Variants in MTREX observed in about 807,000 individuals in gnomAD.
MTREX encodes Mtr4 exosome RNA helicase, also known as exosome RNA helicase MTR4.
A neutral mutation model predicts 135.4 loss-of-function variants in MTREX; 76 were observed. That is an observed-to-expected ratio of 0.56 (90% CI 0.47 to 0.68). MTREX has a LOEUF of 0.68. Ranked by LOEUF, MTREX falls within the 30% of genes least tolerant of loss-of-function variation. The pLI is 0.00. For synonymous variants in MTREX, 404 were observed against 401.6 expected (o/e 1.01, Z -0.07); for missense variants, 920 against 1,262.1 (o/e 0.73, Z 4.11).
At chr5:55,385,081 T>C (rs1219544671) in intron 18 of MTREX, among the ~76,000 whole-genome samples, 7 of 152,196 alleles carry the variant, frequency 4.6e-5, no homozygotes, top group Non-Finnish European at 1.0e-4. Flanking sequence ...TGGGAAGATA[T>C]TAAGAGTTGT....
chr5:55,317,481 C>T (rs529509553), intron 1 of MTREX, among the ~76,000 whole-genome samples: 38 of 152,254 alleles, frequency 2.5e-4, no homozygotes, highest in African/African-American at 9.1e-4. Flanking sequence ...GGCCGCACAT[C>T]TACAACCATC....
rs542870335 is a variant in MTREX, at chr5:55,416,936, C to T, written c.2971+804C>T. On this transcript the variant is annotated intron_variant, in intron 25 of 26. Transcript: ENST00000230640. ...AACATGCCAAATATTATAGGCCTTTCAACTGATATTATTAAAGAAGTAATA... is the reference window on the plus strand; with the variant it reads ...AACATGCCAAATATTATAGGCCTTTTAACTGATATTATTAAAGAAGTAATA... Among the ~76,000 whole-genome samples, 198 of 152,150 alleles carry T rather than the reference C, an allele frequency of 1.3e-3. 1 individual carries two copies. The highest frequency in any genetic ancestry group is 0.01 in the Middle Eastern group (3 of 294).
intron 14 of MTREX, chr5:55,356,971 A>G: frequency 6.3e-6 from 1 of 159,414 alleles, no homozygotes; most frequent in Non-Finnish European, 1.4e-5. Flanking sequence ...CACCATCTGC[A>G]GCATTCACAT....
intron 21 of MTREX, 40 bp from the exon 22 acceptor site, chr5:55,405,385 C>T: frequency 6.6e-7 from 1 of 1,509,804 alleles, no homozygotes; most frequent in Middle Eastern, 1.7e-4. Context: ...ACATTGTTCA[C>T]TTTATTATTG....
At chr5:55,393,864 A>G (rs1750606253) in intron 19 of MTREX, among the ~76,000 whole-genome samples, 3 of 152,220 alleles carry the variant, frequency 2.0e-5, no homozygotes, top group African/African-American at 7.2e-5. Flanking sequence ...TATTCATTCA[A>G]TTTTTAAACA....
At chr5:55,423,194 T>C (rs1751083005) in intron 26 of MTREX, 4 of 542,118 alleles carry the variant, frequency 7.4e-6, no homozygotes, top group Non-Finnish European at 1.3e-5. Context: ...AATTGTACGC[T>C]AACTACATGC....
At chr5:55,373,321 T>A (rs1750237783) in intron 16 of MTREX, among the ~76,000 whole-genome samples, 1 of 151,918 alleles carries the variant, frequency 6.6e-6, no homozygotes, top group African/African-American at 2.4e-5. Context: ...AGTATTAGAT[T>A]ATGTATTTTT....
intron 4 of MTREX, 107 bp downstream of exon 4, chr5:55,327,885 T>A: frequency 1.2e-6 from 1 of 822,432 alleles, no homozygotes; most frequent in South Asian, 1.7e-5. Context: ...TGTATATGTA[T>A]GTATCAAGAA....
intron 16 of MTREX, among the ~76,000 whole-genome samples, chr5:55,369,915 C>CTTTTTTT (rs60011222): frequency 4.9e-5 from 7 of 141,422 alleles, no homozygotes; most frequent in Non-Finnish European, 4.6e-5. Flanking sequence ...TTTCTTTTTT[C>CTTTTTTT]TTTTTTTTTT....
At chr5:55,354,472 C>G (rs1279197376) in intron 14 of MTREX, among the ~76,000 whole-genome samples, 1 of 152,196 alleles carries the variant, frequency 6.6e-6, no homozygotes, top group Non-Finnish European at 1.5e-5. Flanking sequence ...GTGATTCTCT[C>G]TGCTTGGAGA....
At chr5:55,383,203 T>C (rs1451622847) in intron 18 of MTREX, among the ~76,000 whole-genome samples, 1 of 152,192 alleles carries the variant, frequency 6.6e-6, no homozygotes, top group Non-Finnish European at 1.5e-5. Context: ...TTTTAAATCA[T>C]TGAAGAGAAA....
intron 19 of MTREX, among the ~76,000 whole-genome samples, chr5:55,389,481 A>G (rs1750529564): frequency 6.6e-6 from 1 of 152,164 alleles, no homozygotes; most frequent in Non-Finnish European, 1.5e-5. Flanking sequence ...TACGCTGCTA[A>G]GGAAATTGGC....
intron 25 of MTREX, among the ~76,000 whole-genome samples, 190 bp from the exon 26 acceptor site, chr5:55,422,688 A>ATT (rs1751073076): frequency 6.6e-6 from 1 of 152,236 alleles, no homozygotes; most frequent in Non-Finnish European, 1.5e-5. Context: ...TGTCTCTACC[A>ATT]TTAGTCAAAG....
rs956464141 is a variant in MTREX, at chr5:55,343,277, CAG to C, written c.782-51_782-50del. The C allele has an allele frequency of 1.8e-4, 258 of 1,457,184 alleles. 4 individuals are homozygous for C. In the South Asian group the frequency reaches 2.2e-3, roughly 12 times the overall value. 90.3% of individuals were successfully genotyped at this position (1,457,184 alleles called of 1,614,324 possible). A position where few individuals can be genotyped will look rare whatever the true frequency, so the allele number is the denominator to read the frequency against. ...GAGAATATAATTTTAGATATTATCA[CAG>C]AGTGACACTGTAGTCCAACTATAGT... is the stretch of plus-strand genomic sequence containing the variant. On this transcript the variant is annotated intron_variant, in intron 7 of 26. Transcript: ENST00000230640.
intron 19 of MTREX, among the ~76,000 whole-genome samples, chr5:55,390,713 G>C (rs1482582102): frequency 2.0e-5 from 3 of 152,152 alleles, no homozygotes; most frequent in Non-Finnish European, 4.4e-5. Flanking sequence ...TCTAGACCAG[G>C]AACTAGGTGG....
In MTREX at chr5:55,308,076, G is replaced by A. The variant is rs1405637070; in HGVS notation, c.63G>A (p.Ala21=). The change falls in exon 1 of 27, where the codon GCG becomes GCA. Residue 21 remains alanine (A), a synonymous_variant. Coordinates refer to ENST00000230640, the MANE Select transcript of MTREX (RefSeq NM_015360.5). ...TCGAGGGCGACTCGACCACTGCGGC[G>A]GGAACCAAAAAAGACAAGGAAAAGG... ...SVFEGDSTTA[A]GTKKDKEKDK... The A allele has an allele frequency of 1.2e-6, 2 of 1,613,802 alleles. No homozygotes were observed. The highest frequency in any genetic ancestry group is 1.7e-6 in the Non-Finnish European group (2 of 1,179,906).
At chr5:55,408,922 TTTA>T (rs1750846360) in intron 22 of MTREX, among the ~76,000 whole-genome samples, 2 of 3,236 alleles carry the variant, frequency 6.2e-4, no homozygotes, top group Admixed American at 8.5e-3. Context: ...AATATTTTTA[TTTA>T]TTTATTTATT....
At chr5:55,373,891 G>C (rs1341703716) in intron 16 of MTREX, among the ~76,000 whole-genome samples, 3 of 152,078 alleles carry the variant, frequency 2.0e-5, no homozygotes, top group Non-Finnish European at 4.4e-5. Flanking sequence ...CCACTGCTTG[G>C]TGTGTGGGGA....
At chr5:55,353,305 G>C (rs1290989366) in intron 14 of MTREX, 36 bp downstream of exon 14, 1 of 1,417,950 alleles carries the variant, frequency 7.1e-7, no homozygotes, top group Non-Finnish European at 9.9e-7. Flanking sequence ...AATAATTTTT[G>C]TCTTTGTTAT....
Sources: gnomAD v4.1 joint callset for allele counts (sites outside exome capture counted in the v4.1 genomes callset) on GRCh38, gnomAD v4.1.1 for gene constraint, MANE v1.5 for transcripts, NCBI Gene and HGNC (gene_info 2026-07-23, HGNC 2026-07-21) for gene names.